NTM: variants seen among roughly 807,000 people sequenced by gnomAD.
The protein encoded by NTM is neurotrimin.
NTM carries 13 observed loss-of-function variants against 42.1 expected under a neutral mutation model. The ratio of observed to expected loss-of-function variants is 0.31; its 90% CI spans 0.20 to 0.49. The LOEUF (loss-of-function observed/expected upper bound fraction) is 0.49. Ranked by LOEUF, NTM falls within the 20% of genes least tolerant of loss-of-function variation. The pLI is 0.99. For missense variants in NTM, 373 were observed against 452.8 expected (o/e 0.82, Z 1.60); for synonymous variants, 187 against 179.2 (o/e 1.04, Z -0.35).
At chr11:132,171,513 C>T (rs573517290) in intron 3 of NTM, among the ~76,000 whole-genome samples, 9 of 152,180 alleles carry the variant, frequency 5.9e-5, no homozygotes, top group East Asian at 1.9e-4. Flanking sequence ...GACACTAATC[C>T]GATTCATCAA....
At chr11:132,321,939 G>T (rs2136290093) in intron 7 of NTM, among the ~76,000 whole-genome samples, 1 of 149,316 alleles carries the variant, frequency 6.7e-6, no homozygotes, top group South Asian at 2.2e-4. Context: ...AGCTTCATAA[G>T]TGAAGGAGAA....
At chr11:131,704,280 G>A (rs904540125) in intron 1 of NTM, among the ~76,000 whole-genome samples, 10 of 152,156 alleles carry the variant, frequency 6.6e-5, no homozygotes, top group South Asian at 2.1e-4. Flanking sequence ...ATGCAAGCCC[G>A]AGGCTCATCC....
At chr11:132,021,267 T>G (rs2074284901) in intron 2 of NTM, among the ~76,000 whole-genome samples, 1 of 152,132 alleles carries the variant, frequency 6.6e-6, no homozygotes, top group Non-Finnish European at 1.5e-5. Flanking sequence ...ACATATGGAT[T>G]TTTTTGTTGT....
At chr11:132,211,913 C>G in intron 3 of NTM, 109 bp from the exon 4 acceptor site, 1 of 961,366 alleles carries the variant, frequency 1.0e-6, no homozygotes, top group Admixed American at 3.4e-5. Flanking sequence ...CGTTAACTTA[C>G]TGTAGTCCAT....
intron 3 of NTM, among the ~76,000 whole-genome samples, chr11:132,167,018 T>TGTCTAGGA (rs1198601177): frequency 6.6e-6 from 1 of 152,182 alleles, no homozygotes; most frequent in Non-Finnish European, 1.5e-5. Flanking sequence ...TTTCCTCCTC[T>TGTCTAGGA]CACTTCCATC....
chr11:131,898,878 G>A (rs2052696992), intron 1 of NTM, among the ~76,000 whole-genome samples: 1 of 152,132 alleles, frequency 6.6e-6, no homozygotes, highest in South Asian at 2.1e-4. Flanking sequence ...CAACGCTGTG[G>A]AGCACAAAGT....
At chr11:131,702,362 T>C (rs2076162863) in intron 1 of NTM, among the ~76,000 whole-genome samples, 1 of 152,240 alleles carries the variant, frequency 6.6e-6, no homozygotes, top group African/African-American at 2.4e-5. Context: ...TTAGCATAAA[T>C]TCCTATTTCA....
In NTM at chr11:131,691,254, G is replaced by A. The variant is rs181062494; in HGVS notation, c.83-220310G>A. On this transcript the variant is annotated intron_variant, in intron 1 of 8. Transcript: ENST00000683400. The stretch of plus-strand genomic sequence containing the variant: ...CTTCAGTCCTTGACCTTCGCAGAAC[G>A]TAGTTCAGATCCTCAGGCCCAGCAA... Among the ~76,000 whole-genome samples the A allele has an allele frequency of 6.1e-3, 931 of 152,292 alleles. 18 individuals carry two copies. The highest frequency in any genetic ancestry group is 5.3e-3 in the Non-Finnish European group (361 of 68,000).
chr11:132,262,081 C>T (rs2092896019), intron 4 of NTM, among the ~76,000 whole-genome samples: 1 of 152,200 alleles, frequency 6.6e-6, no homozygotes, highest in African/African-American at 2.4e-5. Flanking sequence ...CACCCCCACC[C>T]TATACAGAAT....
intron 8 of NTM, among the ~76,000 whole-genome samples, chr11:132,334,244 T>C (rs1197593520): frequency 6.6e-6 from 1 of 152,246 alleles, no homozygotes; most frequent in African/African-American, 2.4e-5. Flanking sequence ...GCTGGGGAAC[T>C]GTACTGCCTT....
At chr11:131,418,783 C>G (rs1947206194) in intron 1 of NTM, among the ~76,000 whole-genome samples, 1 of 152,122 alleles carries the variant, frequency 6.6e-6, no homozygotes, top group South Asian at 2.1e-4. Flanking sequence ...TGCAAGAAAT[C>G]AAAACAGATC....
chr11:131,628,508 C>T (rs192774463), intron 1 of NTM, among the ~76,000 whole-genome samples: 185 of 152,154 alleles, frequency 1.2e-3, no homozygotes, highest in African/African-American at 4.1e-3. Context: ...TGTCTGTGTG[C>T]ATGTGTGTGT....
At chr11:131,495,039 A>G (rs1313465226) in intron 1 of NTM, among the ~76,000 whole-genome samples, 2 of 152,214 alleles carry the variant, frequency 1.3e-5, no homozygotes, top group African/African-American at 4.8e-5. Context: ...TTCATTGACT[A>G]TTATTTGAAG....
At chr11:131,716,599 G>C (rs996544121) in intron 1 of NTM, among the ~76,000 whole-genome samples, 4 of 152,036 alleles carry the variant, frequency 2.6e-5, no homozygotes, top group Non-Finnish European at 5.9e-5. Flanking sequence ...GCATTTCCCT[G>C]ATGACTGATA....
chr11:131,702,267 GA>G (rs1158519312), intron 1 of NTM, among the ~76,000 whole-genome samples: 7 of 151,456 alleles, frequency 4.6e-5, no homozygotes, highest in Non-Finnish European at 5.9e-5. Context: ...TCTCTAAAAA[GA>G]AAAAAAAGTA....
rs115917811 is a variant in NTM, at chr11:132,209,555, G to A, written c.401-2467G>A. 4.7e-3 allele frequency among the ~76,000 whole-genome samples: 717 copies of A among 152,284 alleles called. 4 individuals carry two copies. The highest frequency in any genetic ancestry group is 0.016 in the African/African-American group (678 of 41,538). On this transcript the variant is annotated intron_variant, in intron 3 of 8. Coordinates refer to ENST00000683400, the MANE Select transcript of NTM (RefSeq NM_001352005.2). ...GCAAAAAACTAAAAAGTTAAATGAG[G>A]ATCTTTTCAAATATCTTATATTAAT...
At chr11:131,795,367 A>T (rs925921818) in intron 1 of NTM, 1 of 983,622 alleles carries the variant, frequency 1.0e-6, no homozygotes, top group Non-Finnish European at 1.2e-6. Flanking sequence ...GTTATGAGCT[A>T]TTTACTTAGC....
intron 4 of NTM, among the ~76,000 whole-genome samples, chr11:132,232,424 C>A (rs1341513321): frequency 1.3e-5 from 2 of 152,178 alleles, no homozygotes; most frequent in Non-Finnish European, 2.9e-5. Flanking sequence ...CCTGTCGCTG[C>A]TGCAGCTGGC....
chr11:131,379,935 T>A (rs1275649437), intron 1 of NTM, among the ~76,000 whole-genome samples: 1 of 152,194 alleles, frequency 6.6e-6, no homozygotes, highest in Non-Finnish European at 1.5e-5. Context: ...CAGCATATTA[T>A]AGCTTCTCCT....
Sources: allele counts gnomAD v4.1 joint callset (sites outside exome capture counted in the v4.1 genomes callset), GRCh38; gene constraint gnomAD v4.1.1; transcripts MANE v1.5; gene names NCBI Gene and HGNC (gene_info 2026-07-23, HGNC 2026-07-21).